Variants in PPWD1 observed in about 807,000 individuals in gnomAD.
The protein encoded by PPWD1 is peptidylprolyl isomerase domain and WD repeat containing 1.
In PPWD1, 43 loss-of-function variants were observed where a neutral mutation model predicts 68.8. That is an observed-to-expected ratio of 0.62 (90% CI 0.49 to 0.81). The LOEUF (loss-of-function observed/expected upper bound fraction) is 0.81. Ranked by LOEUF, PPWD1 falls within the 30% of genes least tolerant of loss-of-function variation. PPWD1 has a pLI of 0.00. For synonymous variants in PPWD1, 232 were observed against 258.7 expected, an observed-to-expected ratio of 0.90 and a Z score of 0.99; for missense variants, 672 against 804.8, an observed-to-expected ratio of 0.83 and a Z score of 2.00.
rs762638542 is a variant in PPWD1, at chr5:65,579,589, A to T, written c.1326A>T (p.Ser442=). The change falls in exon 7 of 11, where the codon TCA becomes TCT. Residue 442 remains serine (S), a synonymous_variant. Transcript: ENST00000261308. Reference sequence around the variant, plus strand: ...CTGACCCAACAATAGTCTGTACATCATTCAAAAAGAATAGATTTTATATGG... The same window carrying T: ...CTGACCCAACAATAGTCTGTACATCTTTCAAAAAGAATAGATTTTATATGG... The part of the protein sequence containing the change: ...IQADPTIVCT[S]FKKNRFYMFT... 6.3e-7 allele frequency: 1 copy of T among 1,578,646 alleles called. No homozygotes were observed. Among genetic ancestry groups the T allele is most frequent in the South Asian group, 1.2e-5 (1 of 84,862 alleles).
intron 7 of PPWD1, among the ~76,000 whole-genome samples, chr5:65,581,659 T>C (rs924477806): frequency 1.3e-5 from 2 of 152,232 alleles, no homozygotes; most frequent in Non-Finnish European, 2.9e-5. Context: ...CCATCCACTT[T>C]ATTCAAAAAA....
rs578015889 is a variant in PPWD1, at chr5:65,586,268, G to C, written c.1797+87G>C. 7.2e-6 allele frequency: 9 copies of C among 1,257,882 alleles called. No individual in the cohort carries two copies. The African/African-American group carries it at 1.2e-4, about 17-fold the overall frequency. 77.9% of individuals were successfully genotyped at this position (1,257,882 alleles called of 1,614,324 possible). ...CTCAGTAGAAGAGCTGCATTATTCT[G>C]TATTTTCTGCATTATTTATATCATC... On this transcript the variant is annotated intron_variant, in intron 10 of 10. Coordinates refer to ENST00000261308, the MANE Select transcript of PPWD1 (RefSeq NM_015342.4).
chr5:65,576,228 T>C, intron 5 of PPWD1: 1 of 693,180 alleles, frequency 1.4e-6, no homozygotes, highest in Non-Finnish European at 1.8e-6. Context: ...AAATTACCTA[T>C]GTGGCTTGTG....
intron 6 of PPWD1, among the ~76,000 whole-genome samples, chr5:65,578,987 C>T (rs574544183): frequency 1.3e-5 from 2 of 151,888 alleles, no homozygotes; most frequent in South Asian, 2.1e-4. Flanking sequence ...GGCACGATCT[C>T]GGCTCACAAC....
At chr5:65,587,114 C>T (rs966739508) in intron 10 of PPWD1, 139 bp from the exon 11 acceptor site, 6 of 947,072 alleles carry the variant, frequency 6.3e-6, no homozygotes, top group African/African-American at 3.4e-5. Context: ...ATTTTTATTG[C>T]TGAGAAATTA....
chr5:65,582,774 C>T, intron 7 of PPWD1: 1 of 263,050 alleles, frequency 3.8e-6, no homozygotes, highest in Non-Finnish European at 6.8e-6. Context: ...TAAATGTTTG[C>T]CCAAGAAAAT....
Position 65,563,744 on chromosome 5 carries a change from G to A in PPWD1, c.196+238G>A. 2.8e-6 allele frequency: 4 copies of A among 1,442,388 alleles called. No homozygotes were observed. The South Asian group carries it at 4.9e-5, about 18-fold the overall frequency. The allele number at this position is 1,442,388 out of a possible 1,614,324, so 89.3% of individuals were successfully genotyped here. ...TGATCATTGATTTGTTATGACAGAT[G>A]CTAAAACTAACATTTTCCTATTCTT... is the stretch of plus-strand genomic sequence containing the variant. On this transcript the variant is annotated intron_variant, in intron 1 of 10. Transcript: ENST00000261308.
chr5:65,587,127 G>T, intron 10 of PPWD1, 126 bp from the exon 11 acceptor site: 1 of 1,041,584 alleles, frequency 9.6e-7, no homozygotes, highest in Non-Finnish European at 1.3e-6. Flanking sequence ...AGAAATTATT[G>T]TACTTCTTTT....
chr5:65,579,440 G>T lies in PPWD1; in HGVS notation c.1177G>T (p.Gly393Cys). Residue 393 changes from glycine (G) to cysteine (C), a missense_variant, in exon 7 of 11, where the codon GGC becomes TGC. Around this residue, in one of 2 missense-constraint regions of PPWD1, gnomAD observed 484 missense variants for 646.2 expected, o/e 0.75. Transcript: ENST00000261308. ...TATTTTTAGGTGTGTGCGGATTTTA[G>T]GCAAACAAGAAAATATTAGAGTGAT... ...VETNRCVRIL[G>C]KQENIRVMQL... The T allele has an allele frequency of 6.4e-7, 1 of 1,559,212 alleles. No homozygotes were observed. The highest frequency in any genetic ancestry group is 8.6e-7 in the Non-Finnish European group (1 of 1,156,780).
intron 1 of PPWD1, among the ~76,000 whole-genome samples, chr5:65,565,363 AAGG>A (rs1248649523): frequency 6.6e-6 from 1 of 152,230 alleles, no homozygotes; most frequent in African/African-American, 2.4e-5. Context: ...TTAAACGAGT[AAGG>A]AGAAATGTAA....
intron 9 of PPWD1, chr5:65,585,787 GAA>G (rs1387469393): frequency 2.4e-6 from 1 of 418,014 alleles, no homozygotes; most frequent in Non-Finnish European, 3.2e-6. Context: ...CTATAAATGA[GAA>G]GACGACCTTT....
intron 5 of PPWD1, among the ~76,000 whole-genome samples, chr5:65,575,998 C>T (rs996341050): frequency 2.0e-5 from 3 of 152,154 alleles, no homozygotes; most frequent in Non-Finnish European, 2.9e-5. Context: ...TCACTAGCCA[C>T]GTGTCTACTG....
chr5:65,583,758 G>A (rs1036067578), intron 8 of PPWD1, among the ~76,000 whole-genome samples: 13 of 152,086 alleles, frequency 8.5e-5, no homozygotes, highest in African/African-American at 2.4e-4. Flanking sequence ...AGACTAGCCC[G>A]AGCAACACGG....
intron 5 of PPWD1, chr5:65,576,532 A>C: frequency 4.2e-6 from 1 of 236,544 alleles, no homozygotes; most frequent in Non-Finnish European, 6.9e-6. Flanking sequence ...ACACATCACC[A>C]TGCCCGGCTA....
chr5:65,584,377 G>T (rs1753727326), intron 8 of PPWD1, among the ~76,000 whole-genome samples: 1 of 152,080 alleles, frequency 6.6e-6, no homozygotes, highest in South Asian at 2.1e-4. Context: ...TATTGAGAAA[G>T]CTTCGTACTC....
intron 7 of PPWD1, among the ~76,000 whole-genome samples, chr5:65,582,110 T>G (rs1024534660): frequency 2.0e-5 from 3 of 152,126 alleles, no homozygotes; most frequent in African/African-American, 4.8e-5. Context: ...GGTTGTTTAT[T>G]TGGAATCTAT....
Position 65,563,520 on chromosome 5 carries a change from T to A in PPWD1, c.196+14T>A. 1 of 1,603,298 alleles carries A rather than the reference T, an allele frequency of 6.2e-7. No homozygotes were observed. Among genetic ancestry groups the A allele is most frequent in the Non-Finnish European group, 8.5e-7 (1 of 1,175,156 alleles). ...AGAAGAGGAAAGGTAGCTGCAGACA[T>A]AGTACCGGGACGAATTGGAGTGCTG... On this transcript the variant is annotated intron_variant, in intron 1 of 10. Coordinates refer to ENST00000261308, the MANE Select transcript of PPWD1 (RefSeq NM_015342.4).
At chr5:65,568,312 C>G in intron 2 of PPWD1, among the ~76,000 whole-genome samples, 1 of 152,032 alleles carries the variant, frequency 6.6e-6, no homozygotes, top group East Asian at 1.9e-4. Context: ...TTTTATCTAT[C>G]AAGTTAAGGC....
intron 7 of PPWD1, among the ~76,000 whole-genome samples, chr5:65,580,946 G>A (rs1463181422): frequency 3.3e-5 from 5 of 152,142 alleles, no homozygotes; most frequent in Admixed American, 3.3e-4. Flanking sequence ...CTGACGCTGT[G>A]CTCTTCTTCT....
Sources: gnomAD v4.1 joint callset for allele counts (sites outside exome capture counted in the v4.1 genomes callset) on GRCh38, gnomAD v4.1.1 for gene constraint, gnomAD v4.1.1 regional missense constraint, MANE v1.5 for transcripts, NCBI Gene and HGNC (gene_info 2026-07-23, HGNC 2026-07-21) for gene names.